LYST: variants seen among roughly 807,000 people sequenced by gnomAD.
The protein encoded by LYST is lysosomal-trafficking regulator.
In LYST, 192 loss-of-function variants were observed where a neutral mutation model predicts 413.6. The observed-to-expected ratio is 0.46, with a 90% CI of 0.41 to 0.52. LYST has a LOEUF of 0.52. Among genes scored for constraint, LYST ranks in the 20% least tolerant of loss-of-function variants. The probability of loss-of-function intolerance (pLI) is 0.00; values close to 1 mark genes in which losing one functional copy is unlikely to be tolerated. For synonymous variants in LYST, 1,525 were observed against 1,567.3 expected, an observed-to-expected ratio of 0.97 and a Z score of 0.64; for missense variants, 3,815 against 4,499.9, an observed-to-expected ratio of 0.85 and a Z score of 4.35.
intron 3 of LYST, among the ~76,000 whole-genome samples, chr1:235,815,901 G>C (rs1173178543): frequency 6.6e-6 from 1 of 152,070 alleles, no homozygotes; most frequent in Admixed American, 6.6e-5. Context: ...GGGAGGCTGA[G>C]GCGGGCAGAT....
chr1:235,825,912 A>G (rs1675279331), intron 3 of LYST, among the ~76,000 whole-genome samples: 1 of 152,222 alleles, frequency 6.6e-6, no homozygotes, highest in South Asian at 2.1e-4. Context: ...AACTTACAAC[A>G]TCTAATTTCC....
intron 1 of LYST, among the ~76,000 whole-genome samples, chr1:235,881,519 C>T (rs1210991183): frequency 6.6e-6 from 1 of 152,158 alleles, no homozygotes; most frequent in Non-Finnish European, 1.5e-5. Flanking sequence ...GATATTGGTA[C>T]ACCCATGTTC....
At position 235,854,026 on chromosome 1, in the gene LYST, G is replaced by C. The variant is rs761694947; in HGVS notation, c.-98+12817C>G. On this transcript the variant is annotated intron_variant, in intron 1 of 52. Transcript: ENST00000389793. The surrounding 1 kb of genome is among the most constrained non-coding windows in gnomAD (Gnocchi z 4.1). ...GTTCATCCAGGTAAATCATCTCCCC[G>C]GCTTTCTATCCCTGTTAGAAGGAAT... Among the ~76,000 whole-genome samples the C allele has an allele frequency of 6.6e-6, 1 of 151,986 alleles. No individual in the cohort carries two copies. Among genetic ancestry groups the C allele is most frequent in the African/African-American group, 2.4e-5 (1 of 41,384 alleles).
At chr1:235,783,818 T>A (rs1192800762) in intron 14 of LYST, among the ~76,000 whole-genome samples, 2 of 152,272 alleles carry the variant, frequency 1.3e-5, no homozygotes, top group East Asian at 1.9e-4. Flanking sequence ...TATTAACTCA[T>A]TTTCAGTACT....
chr1:235,683,152 A>G (rs1438893287), intron 48 of LYST, among the ~76,000 whole-genome samples: 1 of 152,270 alleles, frequency 6.6e-6, no homozygotes, highest in African/African-American at 2.4e-5. Context: ...ATTTTTTAAT[A>G]AACTCTGCAC....
intron 16 of LYST, among the ~76,000 whole-genome samples, chr1:235,780,071 A>G (rs1012473282): frequency 1.3e-5 from 2 of 152,216 alleles, no homozygotes; most frequent in African/African-American, 4.8e-5. Context: ...AGAATTAGCA[A>G]TACTTTGAAA....
At chr1:235,862,979 C>A (rs1680077304) in intron 1 of LYST, among the ~76,000 whole-genome samples, 1 of 152,066 alleles carries the variant, frequency 6.6e-6, no homozygotes, top group Admixed American at 6.5e-5. Flanking sequence ...GATCTTTAAG[C>A]TAAATTTGTT....
rs1458662583 is a variant in LYST at position 235,806,476 on chromosome 1, T to C, written c.2660A>G (p.Lys887Arg). Residue 887 changes from lysine to arginine, a missense_variant, in exon 6 of 53, where the codon AAG (lysine) becomes AGG (arginine). Around this residue, in one of 4 missense-constraint regions of LYST, gnomAD observed 1,648 missense variants for 1,810.3 expected, o/e 0.91. Coordinates refer to ENST00000389793, the MANE Select transcript of LYST (RefSeq NM_000081.4). ...GLKEAYPKRR[K>R]TVNQDVHINT... The stretch of plus-strand genomic sequence containing the variant: ...GATATGAACATCTTGGTTAACAGTC[T>C]TCCGTCTCTTTGGATAAGCTTCTTT... 2 of 1,614,112 alleles carry C rather than the reference T, an allele frequency of 1.2e-6. No homozygotes were observed. Among genetic ancestry groups the C allele is most frequent in the Non-Finnish European group, 8.5e-7 (1 of 1,179,992 alleles).
intron 48 of LYST, among the ~76,000 whole-genome samples, chr1:235,684,678 T>C (rs1660070785): frequency 6.6e-6 from 1 of 152,150 alleles, no homozygotes; most frequent in Non-Finnish European, 1.5e-5. Context: ...TGCAGTGGTG[T>C]GGTCACGGCT....
chr1:235,733,988 T>A, intron 32 of LYST, 82 bp from the exon 33 acceptor site: 1 of 697,952 alleles, frequency 1.4e-6, no homozygotes, highest in Non-Finnish European at 2.4e-6. Context: ...CAAACTAATT[T>A]TAAAACCCAG....
At chr1:235,868,296 C>T (rs1218051967), upstream of LYST, among the ~76,000 whole-genome samples, 1 of 152,072 alleles carries the variant, frequency 6.6e-6, no homozygotes, top group African/African-American at 2.4e-5. Flanking sequence ...ACTTATCACT[C>T]ATTTAAGCAG....
chr1:235,769,118 G>A (rs1182606039), intron 20 of LYST, among the ~76,000 whole-genome samples: 1 of 152,064 alleles, frequency 6.6e-6, no homozygotes, highest in Non-Finnish European at 1.5e-5. Flanking sequence ...TGTACATAGT[G>A]TATAAAGGGA....
At position 235,806,111 on chromosome 1, in the gene LYST, G is replaced by C. The variant is rs1424048559; in HGVS notation, c.3025C>G (p.Gln1009Glu). ...QKLFRSHKEE[Q>E]GKKEGDTSVN... The stretch of plus-strand genomic sequence containing the variant: ...CTTGTATCTCCCTCCTTTTTTCCTT[G>C]CTCCTCTTTGTGACTTCTGAACAGT... The change falls in exon 6 of 53, where the codon CAA (glutamine) becomes GAA (glutamate). Residue 1009 changes from glutamine to glutamate, a missense_variant. By Grantham distance (29) the Gln-to-Glu change is conservative. Around this residue, in one of 4 missense-constraint regions of LYST, gnomAD observed 1,648 missense variants for 1,810.3 expected, o/e 0.91. Transcript: ENST00000389793. 6.2e-7 allele frequency: 1 copy of C among 1,612,784 alleles called. No individual in the cohort carries two copies. Among genetic ancestry groups the C allele is most frequent in the Non-Finnish European group, 8.5e-7 (1 of 1,179,628 alleles).
At chr1:235,715,066 G>T in intron 42 of LYST, 135 bp downstream of exon 42, 1 of 836,632 alleles carries the variant, frequency 1.2e-6, no homozygotes, top group Non-Finnish European at 1.9e-6. Flanking sequence ...TTTGGGCAAG[G>T]AATAAATAGA....
chr1:235,666,839 G>A (rs991059985), intron 50 of LYST, among the ~76,000 whole-genome samples: 2 of 152,076 alleles, frequency 1.3e-5, no homozygotes, highest in African/African-American at 2.4e-5. Flanking sequence ...ATAAGTACTA[G>A]TAAGGCTAGA....
chr1:235,726,319 A>T (rs1663867856), intron 38 of LYST, among the ~76,000 whole-genome samples: 1 of 152,192 alleles, frequency 6.6e-6, no homozygotes. Context: ...GGTCCAAAAT[A>T]ATTTTTATAA....
intron 21 of LYST, among the ~76,000 whole-genome samples, chr1:235,764,495 CTTTTT>C (rs1020736833): frequency 2.0e-5 from 2 of 97,946 alleles, no homozygotes; most frequent in African/African-American, 9.0e-5. Flanking sequence ...TTTTTCTTTT[CTTTTT>C]TTTTTTTTTT....
intron 22 of LYST, among the ~76,000 whole-genome samples, 189 bp downstream of exon 22, chr1:235,762,531 A>T (rs1667696412): frequency 6.6e-6 from 1 of 152,226 alleles, no homozygotes; most frequent in Admixed American, 6.5e-5. Flanking sequence ...GAGAAGTCAG[A>T]GAATGCCAGA....
At chr1:235,880,113 T>C (rs909444902) in intron 1 of LYST, among the ~76,000 whole-genome samples, 1 of 152,242 alleles carries the variant, frequency 6.6e-6, no homozygotes, top group African/African-American at 2.4e-5. Flanking sequence ...ACTACATGCA[T>C]AGCACTGTAC....
Sources: allele counts gnomAD v4.1 joint callset (sites outside exome capture counted in the v4.1 genomes callset), GRCh38; gene constraint gnomAD v4.1.1; regional missense constraint gnomAD v4.1.1; non-coding constraint Gnocchi (gnomAD v3.1); transcripts MANE v1.5; gene names NCBI Gene and HGNC (gene_info 2026-07-23, HGNC 2026-07-21).